TIAM1: variants seen among roughly 807,000 people sequenced by gnomAD.
TIAM1 encodes rho guanine nucleotide exchange factor TIAM1.
Under a neutral mutation model 163.5 loss-of-function variants are expected in TIAM1, and 65 were observed. That is an observed-to-expected ratio of 0.40 (90% CI 0.33 to 0.49). The LOEUF is 0.49. Among genes scored for constraint, TIAM1 ranks in the 20% least tolerant of loss-of-function variants. The probability of loss-of-function intolerance (pLI) is 0.77; values close to 1 mark genes in which losing one functional copy is unlikely to be tolerated. For missense variants in TIAM1, 1,789 were observed against 2,044.7 expected, an observed-to-expected ratio of 0.87 and a Z score of 2.41; for synonymous variants, 833 against 810.1, an observed-to-expected ratio of 1.03 and a Z score of -0.48.
intron 2 of TIAM1, among the ~76,000 whole-genome samples, chr21:31,441,117 G>C (rs2044403373): frequency 6.6e-6 from 1 of 152,140 alleles, no homozygotes; most frequent in Admixed American, 6.5e-5. Context: ...ATGAACTCAG[G>C]ATATGGGAAG....
At chr21:31,525,949 G>A (rs1201326158) in intron 1 of TIAM1, among the ~76,000 whole-genome samples, 2 of 150,134 alleles carry the variant, frequency 1.3e-5, no homozygotes, top group South Asian at 2.1e-4. Context: ...CAGGAGAATC[G>A]CTTGAACCCG....
At chr21:31,188,875 C>G (rs934315261) in intron 13 of TIAM1, among the ~76,000 whole-genome samples, 1 of 151,784 alleles carries the variant, frequency 6.6e-6, no homozygotes, top group African/African-American at 2.4e-5. Context: ...AGCCTGGCCC[C>G]AGTTTTTTTT....
chr21:31,147,670 A>G (rs2083184643), intron 19 of TIAM1, among the ~76,000 whole-genome samples: 1 of 145,612 alleles, frequency 6.9e-6, no homozygotes, highest in Non-Finnish European at 1.5e-5. Flanking sequence ...TATATAATAT[A>G]TAGATATATA....
intron 2 of TIAM1, among the ~76,000 whole-genome samples, chr21:31,396,429 C>A (rs1204014199): frequency 6.6e-6 from 1 of 152,086 alleles, no homozygotes; most frequent in Non-Finnish European, 1.5e-5. Flanking sequence ...TATCCACTGA[C>A]CACCCTGTCT....
intron 15 of TIAM1, among the ~76,000 whole-genome samples, chr21:31,173,419 CT>C (rs2084610332): frequency 6.6e-6 from 1 of 152,044 alleles, no homozygotes. Flanking sequence ...AGTCATTTTA[CT>C]GTTATAAGAT....
At chr21:31,516,727 A>G (rs1479213852) in intron 1 of TIAM1, among the ~76,000 whole-genome samples, 1 of 151,940 alleles carries the variant, frequency 6.6e-6, no homozygotes, top group African/African-American at 2.4e-5. Flanking sequence ...ATAAAATTGA[A>G]TAACAGGGCA....
intron 2 of TIAM1, among the ~76,000 whole-genome samples, chr21:31,319,838 C>T (rs1249681010): frequency 6.6e-6 from 1 of 151,456 alleles, no homozygotes; most frequent in Admixed American, 6.6e-5. Flanking sequence ...AAGGTGGTAC[C>T]TCACCATGGT....
At chr21:31,122,760 AT>A (rs2082049769) in intron 27 of TIAM1, among the ~76,000 whole-genome samples, 1 of 152,252 alleles carries the variant, frequency 6.6e-6, no homozygotes, top group South Asian at 2.1e-4. Flanking sequence ...CTACCTGAGT[AT>A]TCAAGACAAA....
chr21:31,360,158 A>G (rs1323490677), intron 2 of TIAM1, among the ~76,000 whole-genome samples: 1 of 152,168 alleles, frequency 6.6e-6, no homozygotes, highest in Non-Finnish European at 1.5e-5. Flanking sequence ...TCTCAGCAAG[A>G]ACAGATGCCA....
chr21:31,489,949 A>C (rs558045491), intron 1 of TIAM1, among the ~76,000 whole-genome samples: 105 of 152,346 alleles, frequency 6.9e-4, no homozygotes, highest in Non-Finnish European at 1.1e-3. Flanking sequence ...AGGAAAAAGA[A>C]GACTTTTTTA....
chr21:31,325,553 A>T (rs528410112), intron 2 of TIAM1, among the ~76,000 whole-genome samples: 1 of 151,828 alleles, frequency 6.6e-6, no homozygotes, highest in Admixed American at 6.6e-5. Context: ...CTGTAATCCC[A>T]GCTACTCGGG....
chr21:31,155,791 G>A (rs553401140), intron 16 of TIAM1, among the ~76,000 whole-genome samples: 19 of 152,168 alleles, frequency 1.2e-4, no homozygotes, highest in East Asian at 7.7e-4. Context: ...GTGAGCCACC[G>A]CGCCCGGCCC....
chr21:31,254,368 C>A (rs1426119968), intron 4 of TIAM1, among the ~76,000 whole-genome samples: 2 of 152,204 alleles, frequency 1.3e-5, no homozygotes, highest in Admixed American at 1.3e-4. Flanking sequence ...CATGACTCAG[C>A]TGCAGGTAGC....
At chr21:31,434,902 A>G (rs2044159839) in intron 2 of TIAM1, among the ~76,000 whole-genome samples, 1 of 152,246 alleles carries the variant, frequency 6.6e-6, no homozygotes, top group South Asian at 2.1e-4. Flanking sequence ...GTAGGCATGC[A>G]ATGAATAACC....
chr21:31,198,263 A>G (rs2250726), intron 12 of TIAM1, among the ~76,000 whole-genome samples: 26,738 of 152,050 alleles, frequency 0.18, 3,465 homozygotes, highest in East Asian at 0.41. Flanking sequence ...GGGCATTTGA[A>G]AGGTCAGCAT....
chr21:31,282,398 A>G (rs971953790), intron 2 of TIAM1, among the ~76,000 whole-genome samples: 4 of 152,244 alleles, frequency 2.6e-5, no homozygotes, highest in African/African-American at 9.6e-5. Flanking sequence ...ACTGCTGCAG[A>G]GTGGACAGAC....
At chr21:31,555,906 G>A (rs191041720) in intron 1 of TIAM1, among the ~76,000 whole-genome samples, 2 of 152,030 alleles carry the variant, frequency 1.3e-5, no homozygotes, top group Non-Finnish European at 2.9e-5. Context: ...GCAGGAATCT[G>A]GGGGGAAGGA....
chr21:31,251,604 T>C (rs1485334953), intron 5 of TIAM1, 138 bp downstream of exon 5: 5 of 904,872 alleles, frequency 5.5e-6, no homozygotes, highest in Non-Finnish European at 8.3e-6. Flanking sequence ...CTTACTATGA[T>C]AAATGTTTTA....
chr21:31,217,835 A>T lies in TIAM1; in HGVS notation c.1996-136T>A. The T allele has an allele frequency of 5.0e-6, 5 of 1,003,432 alleles. No individual in the cohort carries two copies. In the South Asian group the frequency reaches 9.9e-5, roughly 20 times the overall value. The allele number at this position is 1,003,432 out of a possible 1,614,324, so 62.2% of individuals were successfully genotyped here. ...AGCCAACCCTGACCCCAATGCCTAA[A>T]GTATTCAATCCATGACCCAGACATA... On this transcript the variant is annotated intron_variant, in intron 8 of 27. Coordinates refer to ENST00000541036, the MANE Select transcript of TIAM1 (RefSeq NM_001353694.2).
Sources: allele counts gnomAD v4.1 joint callset (sites outside exome capture counted in the v4.1 genomes callset), GRCh38; gene constraint gnomAD v4.1.1; transcripts MANE v1.5; gene names NCBI Gene and HGNC (gene_info 2026-07-23, HGNC 2026-07-21).